The following ASPDH variants were observed in gnomAD, a reference collection of about 807,000 sequenced individuals.
ASPDH encodes the protein aspartate dehydrogenase domain-containing protein.
A neutral mutation model predicts 30.5 loss-of-function variants in ASPDH; 25 were observed. The ratio of observed to expected loss-of-function variants is 0.82; its 90% CI spans 0.60 to 1.14. ASPDH has a LOEUF of 1.14. ASPDH is among the 50% of genes most tolerant of loss of function. The probability of loss-of-function intolerance (pLI) is 0.00; values close to 1 mark genes in which losing one functional copy is unlikely to be tolerated. For synonymous variants in ASPDH, 168 were observed against 156.3 expected (o/e 1.07, Z -0.56); for missense variants, 401 against 381.5 (o/e 1.05, Z -0.43).
chr19:50,512,632 T>C (rs1026276907), intron 4 of ASPDH, 29 bp downstream of exon 4: 47 of 1,513,010 alleles, frequency 3.1e-5, no homozygotes, highest in Non-Finnish European at 3.4e-5. Flanking sequence ...AGGCCTCCCC[T>C]GGTTCCTGGG....
In ASPDH at chr19:50,511,750, G is replaced by T; in HGVS notation, c.832C>A (p.Pro278Thr). ...LLACCQLPSR[P>T]GIHLC ...GCTTCTCAGCAGAGATGGATCCCCG[G>T]CCTGGAGGGGAGCTGGCAGCAGGCT... The change falls in exon 7 of 7, where the codon CCG becomes ACG. Residue 278 changes from proline to threonine, a missense_variant. Coordinates refer to ENST00000389208, the MANE Select transcript of ASPDH (RefSeq NM_001114598.2). 8 of 1,316,950 alleles carry T rather than the reference G, an allele frequency of 6.1e-6. No individual in the cohort carries two copies. Among genetic ancestry groups the T allele is most frequent in the Non-Finnish European group, 7.8e-6 (8 of 1,027,524 alleles). The allele number at this position is 1,316,950 out of a possible 1,614,324, so 81.6% of individuals were successfully genotyped here. A position where few individuals can be genotyped will look rare whatever the true frequency, so the allele number is the denominator to read the frequency against.
Position 50,512,394 on chromosome 19 carries a change from C to G in ASPDH, c.619G>C (p.Asp207His). 2 of 1,613,738 alleles carry G rather than the reference C, an allele frequency of 1.2e-6. No individual in the cohort carries two copies. Among genetic ancestry groups the G allele is most frequent in the Non-Finnish European group, 1.7e-6 (2 of 1,179,934 alleles). ...AALAAPSLGF[D>H]GVIGVLVADT... ...GCCACGAGCACCCCAATCACCCCAT[C>G]GAAGCCCAGGCTGGGGGCAGCCAGG... The change falls in exon 5 of 7, where the codon GAT becomes CAT. Residue 207 changes from aspartate to histidine, a missense_variant. Transcript: ENST00000389208.
Position 50,511,787 on chromosome 19 carries a change from GGAATGAGCGAATGAGACAGAGGA to G in ASPDH, c.809-37_809-15del. 2 of 1,316,826 alleles carry G rather than the reference GGAATGAGCGAATGAGACAGAGGA, an allele frequency of 1.5e-6. No individual in the cohort carries two copies. Among genetic ancestry groups the G allele is most frequent in the Non-Finnish European group, 1.9e-6 (2 of 1,027,904 alleles). 81.6% of individuals were successfully genotyped at this position (1,316,826 alleles called of 1,614,324 possible). A position where few individuals can be genotyped will look rare whatever the true frequency, so the allele number is the denominator to read the frequency against. ...GCTGGCAGCAGGCTGCGGGGAGAGG[GGAATGAGCGAATGAGACAGAGGA>G]GAGATGAGGAGACAGACGCCTGGGG... On this transcript the variant is annotated splice_polypyrimidine_tract_variant and intron_variant, in intron 6 of 6. Transcript: ENST00000389208.
chr19:50,514,046 A>T (rs1016414426), upstream of ASPDH, among the ~76,000 whole-genome samples: 1 of 152,136 alleles, frequency 6.6e-6, no homozygotes, highest in Non-Finnish European at 1.5e-5. Context: ...CACAGTGAGC[A>T]TGGTGACCGG....
rs760850793 is a variant in ASPDH at position 50,512,837 on chromosome 19, T to C, written c.283-27A>G. On this transcript the variant is annotated intron_variant, in intron 3 of 6. Coordinates refer to ENST00000389208, the MANE Select transcript of ASPDH (RefSeq NM_001114598.2). ...TGGGGTGGATGAAGGAGGGGAGGGT[T>C]GAGGTCAGGGAAGGATATCCACTTC... The C allele has an allele frequency of 8.1e-6, 13 of 1,601,014 alleles. No homozygotes were observed. The East Asian group carries it at 2.9e-4, about 36-fold the overall frequency.
chr19:50,513,099 CCTT>C lies in ASPDH; in HGVS notation c.198-91_198-89del, dbSNP rs921491252. 3.1e-5 allele frequency: 40 copies of C among 1,310,222 alleles called. No homozygotes were observed. The highest frequency in any genetic ancestry group is 2.0e-4 in the Middle Eastern group (1 of 4,974). The allele number at this position is 1,310,222 out of a possible 1,614,324, so 81.2% of individuals were successfully genotyped here. A position where few individuals can be genotyped will look rare whatever the true frequency, so the allele number is the denominator to read the frequency against. ...TCCCTCCGAGTCTACTGAGGGCTGC[CCTT>C]CTTCTCCCTGACCTGGGAGGCGAAA... is the stretch of plus-strand genomic sequence containing the variant. On this transcript the variant is annotated intron_variant, in intron 2 of 6. Coordinates refer to ENST00000389208, the MANE Select transcript of ASPDH (RefSeq NM_001114598.2). The surrounding 1 kb of genome is among the most constrained non-coding windows in gnomAD (Gnocchi z 4.9).
At chr19:50,511,873 G>T in intron 6 of ASPDH, 100 bp from the exon 7 acceptor site, 1 of 827,596 alleles carries the variant, frequency 1.2e-6, no homozygotes, top group Non-Finnish European at 1.8e-6. Context: ...GCAGGGGGGC[G>T]GTGGAGGAAG....
At position 50,511,697 on chromosome 19, in the gene ASPDH, C is replaced by A; in HGVS notation, c.*33G>T. The A allele has an allele frequency of 7.8e-7, 1 of 1,283,638 alleles. No individual in the cohort carries two copies. Among genetic ancestry groups the A allele is most frequent in the Non-Finnish European group, 1.0e-6 (1 of 1,003,496 alleles). The allele number at this position is 1,283,638 out of a possible 1,614,324, so 79.5% of individuals were successfully genotyped here. A position where few individuals can be genotyped will look rare whatever the true frequency, so the allele number is the denominator to read the frequency against. On this transcript the variant is annotated 3_prime_UTR_variant, in exon 7 of 7. Transcript: ENST00000389208. ...GGGATGGTGGTGGTGAGAGGCCAGG[C>A]AGATGATCTTGTCTCGGGAGGGAGG... is the stretch of plus-strand genomic sequence containing the variant.
Position 50,513,354 on chromosome 19 carries a change from C to A in ASPDH, c.115G>T (p.Val39Phe), listed in dbSNP as rs1424614644. The A allele has an allele frequency of 1.3e-6, 2 of 1,542,672 alleles. No homozygotes were observed. The highest frequency in any genetic ancestry group is 4.0e-5 in the Admixed American group (2 of 49,418). Residue 39 changes from valine to phenylalanine, a missense_variant, in exon 2 of 7, where the codon GTC becomes TTC. Transcript: ENST00000389208. This position sits in a 1 kb window ranked among gnomAD's most constrained non-coding sequence, Gnocchi z 4.9. ...ATTCGTCCTGGGTCACGATTCCAGA[C>A]AAAAACAAGTTCTAGGCCAAGTTCT... ...GPELGLELVF[V>F]WNRDPGRMAG...
In ASPDH at chr19:50,512,902, C is replaced by T. The variant is rs202211402; in HGVS notation, c.282+25G>A. ...CCAAGACAGAAGGGGCAGGGCTCTGCGTAAATGGTTGGGGTGGGGCTTACC... is the reference window on the plus strand; with the variant it reads ...CCAAGACAGAAGGGGCAGGGCTCTGTGTAAATGGTTGGGGTGGGGCTTACC... On this transcript the variant is annotated intron_variant, in intron 3 of 6. Transcript: ENST00000389208. 1.5e-5 allele frequency: 24 copies of T among 1,607,954 alleles called. 1 individual carries two copies. The highest frequency in any genetic ancestry group is 3.3e-5 in the South Asian group (3 of 90,336).
chr19:50,512,921 G>C lies in ASPDH; in HGVS notation c.282+6C>G. On this transcript the variant is annotated splice_donor_region_variant and intron_variant, in intron 3 of 6. Transcript: ENST00000389208. The stretch of plus-strand genomic sequence containing the variant: ...GCTCTGCGTAAATGGTTGGGGTGGG[G>C]CTTACCAGGAGATTGGCATGGCGCA... The C allele has an allele frequency of 6.2e-7, 1 of 1,612,122 alleles. No homozygotes were observed. Among genetic ancestry groups the C allele is most frequent in the East Asian group, 2.2e-5 (1 of 44,880 alleles).
chr19:50,512,088 C>A, intron 6 of ASPDH, 48 bp downstream of exon 6: 1 of 1,468,424 alleles, frequency 6.8e-7, no homozygotes, highest in Non-Finnish European at 9.0e-7. Context: ...CCCCCAAGCT[C>A]TGCAGAACAC....
At position 50,513,240 on chromosome 19, in the gene ASPDH, G is replaced by C. The variant is rs1980072240; in HGVS notation, c.197+32C>G. 6.9e-7 allele frequency: 1 copy of C among 1,442,496 alleles called. No homozygotes were observed. The allele number at this position is 1,442,496 out of a possible 1,614,324, so 89.4% of individuals were successfully genotyped here. The stretch of plus-strand genomic sequence containing the variant: ...AGAGAGCCAGGACAGGAGCTTCAGG[G>C]AGCTCCACTCTCCCATGGCAAGGTC... On this transcript the variant is annotated intron_variant, in intron 2 of 6. Coordinates refer to ENST00000389208, the MANE Select transcript of ASPDH (RefSeq NM_001114598.2). This position sits in a 1 kb window ranked among gnomAD's most constrained non-coding sequence, Gnocchi z 4.9.
intron 6 of ASPDH, 35 bp from the exon 7 acceptor site, chr19:50,511,808 G>A (rs951534245): frequency 1.9e-5 from 26 of 1,335,210 alleles, no homozygotes; most frequent in African/African-American, 9.3e-5. Context: ...ATGAGACAGA[G>A]GAGAGATGAG....
In ASPDH at chr19:50,512,508, G is replaced by A; in HGVS notation, c.505C>T (p.Pro169Ser). The change falls in exon 5 of 7, where the codon CCT becomes TCT. Residue 169 changes from proline to serine, a missense_variant. Physicochemically the swap from Pro to Ser is moderately conservative, Grantham distance 74 (BLOSUM62 -1). Coordinates refer to ENST00000389208, the MANE Select transcript of ASPDH (RefSeq NM_001114598.2). ...LEGPLAAAHS[P>S]GPCTVLYEGP... ...TCGTAGAGCACAGTGCAAGGCCCAGGGCTGTGGGCTGCAGCCAGGGGTCCC... is the reference window on the plus strand; with the variant it reads ...TCGTAGAGCACAGTGCAAGGCCCAGAGCTGTGGGCTGCAGCCAGGGGTCCC... 1 of 1,545,082 alleles carries A rather than the reference G, an allele frequency of 6.5e-7. No homozygotes were observed. Among genetic ancestry groups the A allele is most frequent in the Non-Finnish European group, 8.7e-7 (1 of 1,148,666 alleles).
chr19:50,514,758 G>A (rs1463009410), upstream of ASPDH: 17 of 1,377,468 alleles, frequency 1.2e-5, no homozygotes, highest in East Asian at 5.7e-5. Flanking sequence ...CAGGATTGGC[G>A]CTGGAAGGAG....
At chr19:50,514,411 GGTCCCCTTCCCACAGCCTCCGCCCCT>G, upstream of ASPDH, 1 of 1,606,020 alleles carries the variant, frequency 6.2e-7, no homozygotes. Flanking sequence ...GCGCAGCACG[GGTCCCCTTCCCACAGCCTCCGCCCCT>G]GTCCACAGCC....
At position 50,512,593 on chromosome 19, in the gene ASPDH, G is replaced by A. The variant is rs1345755850; in HGVS notation, c.433-13C>T. 2 of 1,518,150 alleles carry A rather than the reference G, an allele frequency of 1.3e-6. No homozygotes were observed. The highest frequency in any genetic ancestry group is 8.8e-7 in the Non-Finnish European group (1 of 1,136,438). 94.0% of individuals were successfully genotyped at this position (1,518,150 alleles called of 1,614,324 possible). On this transcript the variant is annotated splice_polypyrimidine_tract_variant and intron_variant, in intron 4 of 6. Coordinates refer to ENST00000389208, the MANE Select transcript of ASPDH (RefSeq NM_001114598.2). ...TGACACGAAGGCTCTGGAAGCAAGAGCCCGGGTTAGGGGGAGTGGGGTCTT... is the reference window on the plus strand; with the variant it reads ...TGACACGAAGGCTCTGGAAGCAAGAACCCGGGTTAGGGGGAGTGGGGTCTT...
Position 50,512,673 on chromosome 19 carries a change from A to G in ASPDH, c.420T>C (p.Ala140=). 6.5e-7 allele frequency: 1 copy of G among 1,545,656 alleles called. No homozygotes were observed. The highest frequency in any genetic ancestry group is 2.4e-5 in the East Asian group (1 of 41,132). Residue 140 remains alanine (A), a synonymous_variant, in exon 4 of 7, where the codon GCT becomes GCC. Transcript: ENST00000389208. ...GAEDIRRLDA[A]GGLRSLRVTM... Reference sequence around the variant, plus strand: ...CAGCAGGCCTCACCCGGAGGCCCCCAGCTGCATCCAATCTCCTGATGTCCT... The same window carrying G: ...CAGCAGGCCTCACCCGGAGGCCCCCGGCTGCATCCAATCTCCTGATGTCCT...
Sources: gnomAD v4.1 joint callset for allele counts (sites outside exome capture counted in the v4.1 genomes callset) on GRCh38, gnomAD v4.1.1 for gene constraint, Gnocchi (gnomAD v3.1) non-coding constraint, MANE v1.5 for transcripts, NCBI Gene and HGNC (gene_info 2026-07-23, HGNC 2026-07-21) for gene names.